GADL1: variants seen among roughly 807,000 people sequenced by gnomAD.
GADL1 encodes acidic amino acid decarboxylase GADL1.
Under a neutral mutation model 69.5 loss-of-function variants are expected in GADL1, and 71 were observed. That is an observed-to-expected ratio of 1.02 (90% confidence interval 0.84 to 1.25). GADL1 has a LOEUF of 1.25. GADL1 is among the 50% of genes most tolerant of loss of function. The probability of loss-of-function intolerance (pLI) is 0.00; values close to 1 mark genes in which losing one functional copy is unlikely to be tolerated. For synonymous variants in GADL1, 254 were observed against 214.4 expected (o/e 1.18, Z -1.62); for missense variants, 737 against 631.8 (o/e 1.17, Z -1.79).
At chr3:30,847,012 T>C (rs1357534978) in intron 6 of GADL1, among the ~76,000 whole-genome samples, 1 of 152,326 alleles carries the variant, frequency 6.6e-6, no homozygotes, top group East Asian at 1.9e-4. Context: ...CCCTACTTTT[T>C]AGTGGCAAAT....
chr3:30,768,552 GGAGAGAGAAGGGGT>G (rs1559494027), intron 14 of GADL1, among the ~76,000 whole-genome samples: 61 of 135,052 alleles, frequency 4.5e-4, no homozygotes, highest in African/African-American at 1.5e-3. Context: ...GAGAAGAGGG[GGAGAGAGAAGGGGT>G]GGGGAGGGGG....
chr3:30,786,664 G>T (rs1460343300), intron 12 of GADL1, among the ~76,000 whole-genome samples: 1 of 152,182 alleles, frequency 6.6e-6, no homozygotes, highest in Non-Finnish European at 1.5e-5. Flanking sequence ...GGTGTGAAAA[G>T]CCAGATAAAG....
At chr3:30,849,718 A>G (rs143052181) in intron 6 of GADL1, among the ~76,000 whole-genome samples, 440 of 152,316 alleles carry the variant, frequency 2.9e-3, no homozygotes, top group African/African-American at 0.01. Context: ...GACATTCAAA[A>G]AAAGAGATTC....
chr3:30,818,041 G>T (rs1292302357), intron 11 of GADL1, among the ~76,000 whole-genome samples: 1 of 152,118 alleles, frequency 6.6e-6, no homozygotes, highest in East Asian at 1.9e-4. Flanking sequence ...AGACATGGAA[G>T]ATATTCATTG....
intron 2 of GADL1, among the ~76,000 whole-genome samples, chr3:30,859,948 C>T (rs1355544064): frequency 2.0e-5 from 3 of 151,882 alleles, no homozygotes; most frequent in Admixed American, 6.6e-5. Context: ...TTCCGTTTCT[C>T]ATCTTATTAG....
chr3:30,856,326 T>G (rs1698229801), intron 3 of GADL1, among the ~76,000 whole-genome samples: 1 of 152,078 alleles, frequency 6.6e-6, no homozygotes, highest in Non-Finnish European at 1.5e-5. Flanking sequence ...TTTTGAAACT[T>G]GTTCGCTGGA....
At chr3:30,887,334 G>A (rs1017761088) in intron 1 of GADL1, among the ~76,000 whole-genome samples, 1 of 152,164 alleles carries the variant, frequency 6.6e-6, no homozygotes, top group African/African-American at 2.4e-5. Flanking sequence ...GAGGTAATTG[G>A]ATTGTGAAGC....
chr3:30,769,422 C>T (rs1696364516), intron 14 of GADL1, among the ~76,000 whole-genome samples: 1 of 152,122 alleles, frequency 6.6e-6, no homozygotes, highest in African/African-American at 2.4e-5. Context: ...TTAGGTTACG[C>T]AAAGAGGGAA....
intron 13 of GADL1, among the ~76,000 whole-genome samples, chr3:30,779,716 AAATAT>A (rs1399667228): frequency 6.6e-6 from 1 of 152,226 alleles, no homozygotes; most frequent in Non-Finnish European, 1.5e-5. Context: ...AGTAGAAGAA[AAATAT>A]AGTAATTATC....
In GADL1 at chr3:30,834,488, A is replaced by G. The variant is rs1262070331; in HGVS notation, c.904-207T>C. Among the ~76,000 whole-genome samples, 8 of 152,026 alleles carry G rather than the reference A, an allele frequency of 5.3e-5. No individual in the cohort carries two copies. In the East Asian group the frequency reaches 1.5e-3, roughly 29 times the overall value. On this transcript the variant is annotated intron_variant, in intron 9 of 14. Transcript: ENST00000282538. Reference sequence around the variant, plus strand: ...CATCACAATAGATGGGCCCTCACTGACCCTTAGAATTATAAATTCATGCAT... The same window carrying G: ...CATCACAATAGATGGGCCCTCACTGGCCCTTAGAATTATAAATTCATGCAT...
intron 9 of GADL1, among the ~76,000 whole-genome samples, chr3:30,836,717 C>T (rs1697880910): frequency 6.6e-6 from 1 of 151,142 alleles, no homozygotes; most frequent in South Asian, 2.1e-4. Context: ...CCTTCTATGG[C>T]ACTTGGAATG....
At chr3:30,756,089 G>A (rs1695963385) in intron 14 of GADL1, among the ~76,000 whole-genome samples, 1 of 152,194 alleles carries the variant, frequency 6.6e-6, no homozygotes, top group Non-Finnish European at 1.5e-5. Flanking sequence ...TGTTTTGGCA[G>A]CAGGGAACCA....
chr3:30,890,969 G>A (rs1342871660), intron 1 of GADL1, among the ~76,000 whole-genome samples: 1 of 152,132 alleles, frequency 6.6e-6, no homozygotes, highest in Non-Finnish European at 1.5e-5. Context: ...GCTCACAGAG[G>A]TTAAATCTGG....
intron 1 of GADL1, among the ~76,000 whole-genome samples, chr3:30,874,147 A>G (rs1698542692): frequency 6.6e-6 from 1 of 152,036 alleles, no homozygotes; most frequent in East Asian, 1.9e-4. Flanking sequence ...TAGGTAGTGA[A>G]GAGGGTGAGG....
chr3:30,793,264 T>C (rs1401790714), intron 12 of GADL1, among the ~76,000 whole-genome samples: 1 of 152,198 alleles, frequency 6.6e-6, no homozygotes, highest in African/African-American at 2.4e-5. Flanking sequence ...TTAAATGAAA[T>C]GTGTTGTTGG....
chr3:30,778,037 C>T, intron 14 of GADL1, 142 bp downstream of exon 14: 1 of 578,544 alleles, frequency 1.7e-6, no homozygotes, highest in East Asian at 2.8e-5. Flanking sequence ...ACTGTTTGGC[C>T]TGTCATTACT....
chr3:30,788,735 T>C (rs890476219), intron 12 of GADL1, among the ~76,000 whole-genome samples: 1 of 152,186 alleles, frequency 6.6e-6, no homozygotes, highest in African/African-American at 2.4e-5. Context: ...ATATCCTTTG[T>C]TATCCTTTCA....
chr3:30,854,567 T>A (rs377051369), intron 4 of GADL1, 132 bp downstream of exon 4: 4 of 590,324 alleles, frequency 6.8e-6, no homozygotes, highest in East Asian at 5.7e-5. Flanking sequence ...ATAAGTATCA[T>A]AAAACTATTC....
chr3:30,762,918 A>G (rs1696176689), intron 14 of GADL1, among the ~76,000 whole-genome samples: 1 of 152,168 alleles, frequency 6.6e-6, no homozygotes, highest in Non-Finnish European at 1.5e-5. Flanking sequence ...ACTGGATCTC[A>G]TTCTTTTATG....
Sources: gnomAD v4.1 joint callset for allele counts (sites outside exome capture counted in the v4.1 genomes callset) on GRCh38, gnomAD v4.1.1 for gene constraint, MANE v1.5 for transcripts, NCBI Gene and HGNC (gene_info 2026-07-23, HGNC 2026-07-21) for gene names.